The following CDH22 variants were observed in gnomAD, a reference collection of about 807,000 sequenced individuals.
CDH22 encodes cadherin-22.
Under a neutral mutation model 58.4 loss-of-function variants are expected in CDH22, and 30 were observed. The ratio of observed to expected loss-of-function variants is 0.51; its 90% confidence interval spans 0.38 to 0.70. The LOEUF is 0.70. Ranked by LOEUF, CDH22 falls within the 30% of genes least tolerant of loss-of-function variation. CDH22 has a pLI of 0.00. For missense variants in CDH22, 1,014 were observed against 1,233.9 expected, an observed-to-expected ratio of 0.82 and a Z score of 2.67; for synonymous variants, 513 against 558.2, an observed-to-expected ratio of 0.92 and a Z score of 1.14.
rs145636670 is a variant in CDH22, at chr20:46,264,191, C to T, written c.-399-12498G>A. ...TTAGCTTATTTATTCCTCACAATAA[C>T]CCCATAAAGTAAGTTATCATTATCC... On this transcript the variant is annotated intron_variant, in intron 1 of 11. Coordinates refer to ENST00000537909, the MANE Select transcript of CDH22 (RefSeq NM_021248.3). 3.5e-3 allele frequency among the ~76,000 whole-genome samples: 529 copies of T among 152,210 alleles called. 8 individuals carry two copies. The highest frequency in any genetic ancestry group is 0.026 in the Admixed American group (396 of 15,294).
rs115005946 is a variant in CDH22 at position 46,196,519 on chromosome 20, C to T, written c.1423+2904G>A. Among the ~76,000 whole-genome samples the T allele has an allele frequency of 2.6e-3, 390 of 152,310 alleles. 4 individuals carry two copies. Among genetic ancestry groups the T allele is most frequent in the African/African-American group, 9.1e-3 (379 of 41,568 alleles). On this transcript the variant is annotated intron_variant, in intron 8 of 11. Transcript: ENST00000537909. The stretch of plus-strand genomic sequence containing the variant: ...GAACTCTTGAACTCAAGTGATCTGA[C>T]CCCTTTGGCCTCCCAAAGTACTGGG...
intron 1 of CDH22, among the ~76,000 whole-genome samples, chr20:46,271,553 T>C (rs973635922): frequency 2.0e-5 from 3 of 152,180 alleles, no homozygotes; most frequent in Middle Eastern, 3.4e-3. Flanking sequence ...CACCTCCTAC[T>C]CTTCTCAGCC....
chr20:46,222,884 T>G (rs2086137101), intron 4 of CDH22, among the ~76,000 whole-genome samples: 4 of 152,172 alleles, frequency 2.6e-5, no homozygotes, highest in Admixed American at 2.6e-4. Context: ...CCGGCTCTGC[T>G]CCCTGCTATC....
chr20:46,283,592 T>A (rs1002679045), intron 1 of CDH22, among the ~76,000 whole-genome samples: 2 of 152,128 alleles, frequency 1.3e-5, no homozygotes, highest in Non-Finnish European at 2.9e-5. Context: ...AGTCATTCAG[T>A]GAGTCAGCGG....
chr20:46,200,582 G>A (rs1187026126), intron 7 of CDH22, among the ~76,000 whole-genome samples: 1 of 151,952 alleles, frequency 6.6e-6, no homozygotes, highest in African/African-American at 2.4e-5. Context: ...GCACCCTGCC[G>A]ATTCTTATCT....
At chr20:46,200,459 T>G (rs1286263421) in intron 7 of CDH22, among the ~76,000 whole-genome samples, 1 of 151,516 alleles carries the variant, frequency 6.6e-6, no homozygotes, top group African/African-American at 2.4e-5. Context: ...TTTTTTTTTT[T>G]TTTTCAGAGA....
At chr20:46,282,395 CTTAT>C (rs1369794778) in intron 1 of CDH22, among the ~76,000 whole-genome samples, 1 of 152,058 alleles carries the variant, frequency 6.6e-6, no homozygotes, top group Non-Finnish European at 1.5e-5. Context: ...GTCTCGCTTC[CTTAT>C]TTATTACCTC....
rs144851528 is a variant in CDH22, at chr20:46,230,567, A to G, written c.551-2940T>C. ...GAATTAATAATGAAATCCATTATGA[A>G]TTATGTAACATTATTCAATAACTGA... is the stretch of plus-strand genomic sequence containing the variant. On this transcript the variant is annotated intron_variant, in intron 3 of 11. Transcript: ENST00000537909. 9.5e-3 allele frequency among the ~76,000 whole-genome samples: 1,449 copies of G among 152,348 alleles called. 14 individuals are homozygous for G. The highest frequency in any genetic ancestry group is 0.014 in the Non-Finnish European group (980 of 68,038).
intron 2 of CDH22, among the ~76,000 whole-genome samples, chr20:46,245,928 C>T (rs1030722021): frequency 3.9e-5 from 6 of 152,132 alleles, no homozygotes; most frequent in East Asian, 1.9e-4. Flanking sequence ...TAATGAGAGA[C>T]GGCCCCAAAG....
At chr20:46,200,010 T>G (rs2085944714) in intron 7 of CDH22, among the ~76,000 whole-genome samples, 2 of 152,000 alleles carry the variant, frequency 1.3e-5, no homozygotes, top group South Asian at 4.2e-4. Flanking sequence ...GTCTCGCACT[T>G]TCGCCCAGGC....
Position 46,251,207 on chromosome 20 carries a change from G to A in CDH22, c.88C>T (p.Pro30Ser). 1 of 1,461,170 alleles carries A rather than the reference G, an allele frequency of 6.8e-7. No homozygotes were observed. Among genetic ancestry groups the A allele is most frequent in the Non-Finnish European group, 9.0e-7 (1 of 1,106,880 alleles). The allele number at this position is 1,461,170 out of a possible 1,614,324, so 90.5% of individuals were successfully genotyped here. ...GCCCACAGGCGCCCCAGCAGCGTCG[G>A]CGGCGGCGGCAGCAGCAGCAGCAGC... is the stretch of plus-strand genomic sequence containing the variant. ...LLLLLLLPPPPTLLGRLWAAG... is the reference protein window; with the variant it reads ...LLLLLLLPPPSTLLGRLWAAG... Residue 30 changes from proline (P) to serine (S), a missense_variant, in exon 2 of 12, where the codon CCG becomes TCG. By Grantham distance (74) the Pro-to-Ser change is moderately conservative (BLOSUM62 -1). Coordinates refer to ENST00000537909, the MANE Select transcript of CDH22 (RefSeq NM_021248.3). The surrounding 1 kb of genome is among the most constrained non-coding windows in gnomAD (Gnocchi z 6.7).
chr20:46,231,132 G>A (rs1403414875), intron 3 of CDH22, among the ~76,000 whole-genome samples: 2 of 152,186 alleles, frequency 1.3e-5, no homozygotes, highest in Non-Finnish European at 2.9e-5. Flanking sequence ...TGACAGGAGC[G>A]GGCTGCTGTC....
chr20:46,185,568 C>T (rs1270474153), intron 10 of CDH22, among the ~76,000 whole-genome samples: 1 of 151,936 alleles, frequency 6.6e-6, no homozygotes, highest in Non-Finnish European at 1.5e-5. Flanking sequence ...TGTGAGGTTG[C>T]AGAAAGAAAT....
chr20:46,249,623 C>T (rs1205752860), intron 2 of CDH22, among the ~76,000 whole-genome samples: 1 of 152,182 alleles, frequency 6.6e-6, no homozygotes, highest in Admixed American at 6.5e-5. Context: ...CCTCCCGGTT[C>T]CCACACTCAT....
At chr20:46,291,522 G>C (rs2086602770) in intron 1 of CDH22, among the ~76,000 whole-genome samples, 1 of 152,208 alleles carries the variant, frequency 6.6e-6, no homozygotes, top group South Asian at 2.1e-4. Flanking sequence ...GCTGGCTCCA[G>C]AGCTGGCTCC....
At chr20:46,182,507 C>T (rs1210845693) in intron 10 of CDH22, among the ~76,000 whole-genome samples, 1 of 152,314 alleles carries the variant, frequency 6.6e-6, no homozygotes, top group East Asian at 1.9e-4. Flanking sequence ...GTTTGTCTCT[C>T]AGGGTTGCTG....
intron 7 of CDH22, among the ~76,000 whole-genome samples, chr20:46,200,915 A>AG (rs1380938213): frequency 1.3e-5 from 2 of 151,894 alleles, no homozygotes; most frequent in African/African-American, 4.8e-5. Flanking sequence ...GTGCCGTGGG[A>AG]GGGGGCCTGG....
chr20:46,290,414 G>A (rs189103546), intron 1 of CDH22, among the ~76,000 whole-genome samples: 24 of 152,246 alleles, frequency 1.6e-4, no homozygotes, highest in African/African-American at 5.3e-4. Context: ...TACAATGCCC[G>A]GGACAGCCCT....
chr20:46,237,710 A>G (rs2145723158), intron 3 of CDH22, among the ~76,000 whole-genome samples: 1 of 152,228 alleles, frequency 6.6e-6, no homozygotes, highest in East Asian at 1.9e-4. Context: ...GTCAAGACAG[A>G]GCTGGGTCTC....
Sources: allele counts gnomAD v4.1 joint callset (sites outside exome capture counted in the v4.1 genomes callset), GRCh38; gene constraint gnomAD v4.1.1; non-coding constraint Gnocchi (gnomAD v3.1); transcripts MANE v1.5; gene names NCBI Gene and HGNC (gene_info 2026-07-23, HGNC 2026-07-21).